FRMPD3: variants seen among roughly 807,000 people sequenced by gnomAD.
FRMPD3 encodes FERM and PDZ domain-containing protein 3.
Under a neutral mutation model 97.9 loss-of-function variants are expected in FRMPD3, and 42 were observed. The ratio of observed to expected loss-of-function variants is 0.43; its 90% confidence interval spans 0.34 to 0.55. FRMPD3 has a LOEUF of 0.55. Among genes scored for constraint, FRMPD3 ranks in the 20% least tolerant of loss-of-function variants. The pLI is 0.03. For synonymous variants in FRMPD3, 577 were observed against 581.1 expected (o/e 0.99, Z 0.10); for missense variants, 1,303 against 1,457.7 (o/e 0.89, Z 1.73).
intron 1 of FRMPD3, among the ~76,000 whole-genome samples, chrX:107,512,153 G>A (rs982169656): frequency 8.1e-5 from 9 of 110,740 alleles, no homozygotes; most frequent in South Asian, 7.8e-4. Flanking sequence ...TCCTCATGCC[G>A]TTTCTGATTT....
At chrX:107,583,551 G>A (rs774013717) in intron 13 of FRMPD3, among the ~76,000 whole-genome samples, 1 of 112,045 alleles carries the variant, frequency 8.9e-6, no homozygotes, top group Admixed American at 9.5e-5. Flanking sequence ...ATAAACATAC[G>A]TGTGCATGTA....
intron 1 of FRMPD3, among the ~76,000 whole-genome samples, chrX:107,485,718 C>G (rs1319427246): frequency 1.8e-5 from 2 of 111,949 alleles, no homozygotes; most frequent in Non-Finnish European, 3.8e-5. Context: ...CCAGTACCCT[C>G]TGAGGCCTCA....
chrX:107,569,565 G>C (rs1922782632), intron 12 of FRMPD3, among the ~76,000 whole-genome samples: 1 of 110,972 alleles, frequency 9.0e-6, no homozygotes, highest in Admixed American at 9.6e-5. Context: ...CCGAGCCAGT[G>C]GTGTGCTGGA....
chrX:107,498,741 C>T (rs895755277), intron 1 of FRMPD3, among the ~76,000 whole-genome samples: 4 of 111,641 alleles, frequency 3.6e-5, no homozygotes, highest in African/African-American at 9.8e-5. Flanking sequence ...GAATGAGGAG[C>T]GCATGGATCC....
chrX:107,588,247 A>G (rs1319527131), intron 13 of FRMPD3, among the ~76,000 whole-genome samples: 2 of 104,253 alleles, frequency 1.9e-5, no homozygotes, highest in African/African-American at 7.0e-5. Context: ...CTTGTGGTTG[A>G]TCTTCTTCTT....
chrX:107,454,488 A>T (rs1191043459), intron 1 of FRMPD3, among the ~76,000 whole-genome samples: 1 of 111,139 alleles, frequency 9.0e-6, no homozygotes, highest in African/African-American at 3.3e-5. Context: ...TTCTTTTACC[A>T]TAAGGCTTCT....
At chrX:107,450,520 A>G (rs1931264850) in intron 1 of FRMPD3, among the ~76,000 whole-genome samples, 1 of 107,229 alleles carries the variant, frequency 9.3e-6, no homozygotes, top group African/African-American at 3.4e-5. Flanking sequence ...CAGCCGCACA[A>G]CATACCCGGC....
At chrX:107,547,159 A>G (rs1235821010) in intron 5 of FRMPD3, among the ~76,000 whole-genome samples, 2 of 111,829 alleles carry the variant, frequency 1.8e-5, no homozygotes, top group African/African-American at 6.5e-5. Flanking sequence ...AATCAGGGTG[A>G]AACAGACCCC....
At chrX:107,552,772 C>G in intron 6 of FRMPD3, 23 bp from the exon 7 acceptor site, 1 of 1,204,639 alleles carries the variant, frequency 8.3e-7, no homozygotes, top group Non-Finnish European at 1.1e-6. Flanking sequence ...ATCTCCCTCT[C>G]AAGGCTCTTT....
At chrX:107,501,363 T>C (rs759926985) in intron 1 of FRMPD3, among the ~76,000 whole-genome samples, 31 of 82,551 alleles carry the variant, frequency 3.8e-4, no homozygotes, top group African/African-American at 1.5e-3. Context: ...ATTTTTTTTT[T>C]TTTTTTTTTT....
chrX:107,563,838 C>T (rs994209180), intron 11 of FRMPD3, among the ~76,000 whole-genome samples: 1 of 112,031 alleles, frequency 8.9e-6, no homozygotes, highest in Admixed American at 9.4e-5. Context: ...TACTTCTCCC[C>T]CTGCTTGCTC....
chrX:107,585,418 T>G (rs1409782885), intron 13 of FRMPD3, among the ~76,000 whole-genome samples: 6 of 111,707 alleles, frequency 5.4e-5, no homozygotes, highest in Non-Finnish European at 9.4e-5. Flanking sequence ...TCTCTTCCTA[T>G]TTGAATACAC....
chrX:107,451,621 C>G (rs1405874686), intron 1 of FRMPD3, among the ~76,000 whole-genome samples: 1 of 112,584 alleles, frequency 8.9e-6, no homozygotes, highest in East Asian at 2.8e-4. Context: ...CCCGGGGAGA[C>G]CTCAACAAGA....
rs1224055981 is a variant in FRMPD3 at position 107,603,891 on chromosome X, C to T, written c.*518C>T. The T allele has an allele frequency of 2.6e-5, 3 of 113,354 alleles. No homozygotes were observed. Among genetic ancestry groups the T allele is most frequent in the African/African-American group, 9.7e-5 (3 of 30,816 alleles). 9.3% of individuals were successfully genotyped at this position (113,354 alleles called of 1,213,427 possible). A position where few individuals can be genotyped will look rare whatever the true frequency, so the allele number is the denominator to read the frequency against. ...GGGCTCACACTCACCTGGTAGATGCCACCCTGAGGGCCTGTGCCTGGGTGA... is the reference window on the plus strand; with the variant it reads ...GGGCTCACACTCACCTGGTAGATGCTACCCTGAGGGCCTGTGCCTGGGTGA... On this transcript the variant is annotated 3_prime_UTR_variant, in exon 15 of 15. Coordinates refer to ENST00000683843, the MANE Select transcript of FRMPD3 (RefSeq NM_001388459.1).
chrX:107,482,584 G>A (rs968431735), intron 1 of FRMPD3, among the ~76,000 whole-genome samples: 3 of 111,630 alleles, frequency 2.7e-5, no homozygotes, highest in African/African-American at 6.5e-5. Flanking sequence ...TGGGGCAGGA[G>A]GAATAGGGGC....
At position 107,550,136 on chromosome X, in the gene FRMPD3, G is replaced by A. The variant is rs1432981340; in HGVS notation, c.490G>A (p.Asp164Asn). 1 of 1,194,432 alleles carries A rather than the reference G, an allele frequency of 8.4e-7. No individual in the cohort carries two copies. Among genetic ancestry groups the A allele is most frequent in the Non-Finnish European group, 1.1e-6 (1 of 881,666 alleles). Residue 164 changes from aspartate to asparagine, a missense_variant, in exon 6 of 15, where the codon GAT becomes AAT. Physicochemically the swap from Asp to Asn is conservative, Grantham distance 23 (BLOSUM62 1). Transcript: ENST00000683843. ...TGGGCAGATCAAGTCATTCACATTT[G>A]ATGGTCGGACCACTGTTAAGGTACA... Reference protein sequence around the residue: ...ENGQIKSFTFDGRTTVKDVML... With the variant: ...ENGQIKSFTFNGRTTVKDVML...
chrX:107,603,292 C>T lies in FRMPD3; in HGVS notation c.5253C>T (p.Ala1751=), dbSNP rs1924650292. 9.3e-7 allele frequency: 1 copy of T among 1,070,929 alleles called. No individual in the cohort carries two copies. The highest frequency in any genetic ancestry group is 2.3e-5 in the South Asian group (1 of 44,167). The allele number at this position is 1,070,929 out of a possible 1,213,427, so 88.3% of individuals were successfully genotyped here. A position where few individuals can be genotyped will look rare whatever the true frequency, so the allele number is the denominator to read the frequency against. Residue 1751 remains alanine (A), a synonymous_variant, in exon 15 of 15, where the codon GCC becomes GCT. Coordinates refer to ENST00000683843, the MANE Select transcript of FRMPD3 (RefSeq NM_001388459.1). The part of the protein sequence containing the change: ...QQQVAAAAGA[A]TEHPPGSPTS... ...AGGTGGCAGCAGCTGCAGGGGCAGC[C>T]ACAGAGCATCCACCAGGCTCCCCAA...
chrX:107,518,155 T>A (rs1040846613), intron 1 of FRMPD3, among the ~76,000 whole-genome samples: 5 of 111,545 alleles, frequency 4.5e-5, no homozygotes, highest in Non-Finnish European at 7.5e-5. Flanking sequence ...TAGGAGAAAG[T>A]GCTGGCAGAT....
chrX:107,600,405 T>C lies in FRMPD3; in HGVS notation c.2366T>C (p.Met789Thr). Residue 789 changes from methionine (M) to threonine (T), a missense_variant, in exon 15 of 15, where the codon ATG becomes ACG. Around this residue, in one of 3 missense-constraint regions of FRMPD3, gnomAD observed 764 missense variants for 820.2 expected, o/e 0.93. Transcript: ENST00000683843. Reference protein sequence around the residue: ...LTDMSEMMSAMKQHQNTTYFL... With the variant: ...LTDMSEMMSATKQHQNTTYFL... ...GACATGTCAGAGATGATGTCGGCCA[T>C]GAAGCAGCACCAGAACACCACCTAC... 1 of 1,210,593 alleles carries C rather than the reference T, an allele frequency of 8.3e-7. No individual in the cohort carries two copies. The highest frequency in any genetic ancestry group is 1.7e-5 in the African/African-American group (1 of 57,734).
Sources: allele counts gnomAD v4.1 joint callset (sites outside exome capture counted in the v4.1 genomes callset), GRCh38; gene constraint gnomAD v4.1.1; regional missense constraint gnomAD v4.1.1; transcripts MANE v1.5; gene names NCBI Gene and HGNC (gene_info 2026-07-23, HGNC 2026-07-21).